The following PCDH15 variants were observed in gnomAD, a reference collection of about 807,000 sequenced individuals.
PCDH15 encodes the protein protocadherin-15.
Under a neutral mutation model 178.5 loss-of-function variants are expected in PCDH15, and 129 were observed. The observed-to-expected ratio is 0.72, with a 90% CI of 0.63 to 0.84. The LOEUF (loss-of-function observed/expected upper bound fraction) is 0.84, where lower values mean the gene tolerates loss of function less well. PCDH15 is among the 40% of genes least tolerant of loss of function. The pLI is 0.00. For synonymous variants in PCDH15, 800 were observed against 732.0 expected (o/e 1.09, Z -1.50); for missense variants, 2,230 against 2,099.9 (o/e 1.06, Z -1.21).
intron 3 of PCDH15, among the ~76,000 whole-genome samples, chr10:54,862,693 A>T (rs561100607): frequency 1.3e-5 from 2 of 152,298 alleles, no homozygotes; most frequent in East Asian, 3.9e-4. Context: ...TAGGTCATTT[A>T]AAACAGCCTG....
At chr10:54,079,555 A>T (rs963284556) in intron 16 of PCDH15, 131 bp from the exon 17 acceptor site, 2 of 837,266 alleles carry the variant, frequency 2.4e-6, no homozygotes, top group African/African-American at 1.7e-5. Context: ...AGTATTTTAG[A>T]TGTATAATAC....
chr10:54,225,719 A>G (rs991065143), intron 9 of PCDH15, among the ~76,000 whole-genome samples: 2 of 151,960 alleles, frequency 1.3e-5, no homozygotes. Context: ...GATTGATTCA[A>G]TTTACATATA....
At chr10:54,814,146 T>C (rs10825402) in intron 3 of PCDH15, among the ~76,000 whole-genome samples, 38,698 of 152,096 alleles carry the variant, frequency 0.25, 5,594 homozygotes, top group East Asian at 0.51. Flanking sequence ...CAAATTTATG[T>C]GTCACCATAA....
intron 1 of PCDH15, among the ~76,000 whole-genome samples, chr10:55,177,834 T>G (rs1042691954): frequency 2.0e-5 from 3 of 151,886 alleles, no homozygotes; most frequent in African/African-American, 7.2e-5. Context: ...AGAAACTACC[T>G]TGGAGAACCC....
chr10:54,839,458 T>C (rs1953378391), intron 3 of PCDH15, among the ~76,000 whole-genome samples: 1 of 152,088 alleles, frequency 6.6e-6, no homozygotes, highest in South Asian at 2.1e-4. Context: ...ACTGGTCATT[T>C]AAAATTAGCC....
intron 1 of PCDH15, among the ~76,000 whole-genome samples, chr10:54,684,105 T>C (rs1161547891): frequency 6.6e-6 from 1 of 152,018 alleles, no homozygotes; most frequent in African/African-American, 2.4e-5. Context: ...TTTTCACATA[T>C]TAAAATGCAT....
chr10:55,118,378 C>G (rs976256062), intron 2 of PCDH15, among the ~76,000 whole-genome samples: 1 of 152,182 alleles, frequency 6.6e-6, no homozygotes, highest in African/African-American at 2.4e-5. Context: ...GCTGTTGCAT[C>G]ATGAGGGCGT....
intron 2 of PCDH15, among the ~76,000 whole-genome samples, chr10:55,475,333 T>C (rs1375758552): frequency 6.6e-6 from 1 of 152,130 alleles, no homozygotes; most frequent in Admixed American, 6.6e-5. Context: ...TACATTCTAA[T>C]CTCTTACCTG....
In PCDH15 at chr10:55,431,454, C is replaced by T. The variant is rs190064367; in HGVS notation, c.-156+196171G>A. On this transcript the variant is annotated intron_variant, in intron 2 of 5. Transcript: ENST00000613346. ...GTTTCTTAAAAATTACATCTGTGAG[C>T]TCTGAAGGAAAAAATCCAGGTCATA... Among the ~76,000 whole-genome samples the T allele has an allele frequency of 3.4e-3, 518 of 152,152 alleles. 4 individuals are homozygous for T. The highest frequency in any genetic ancestry group is 5.0e-3 in the Non-Finnish European group (341 of 67,986).
intron 2 of PCDH15, among the ~76,000 whole-genome samples, chr10:54,662,484 A>G (rs6481114): frequency 0.1 from 15,636 of 152,012 alleles, 1,025 homozygotes; most frequent in African/African-American, 0.18. Context: ...ATCACTTGGC[A>G]AGTCTGAAAT....
intron 2 of PCDH15, among the ~76,000 whole-genome samples, chr10:55,445,206 C>A (rs1299374990): frequency 1.3e-5 from 2 of 152,102 alleles, no homozygotes; most frequent in East Asian, 3.9e-4. Context: ...CTTCAGTGTT[C>A]ACCTAATGAG....
At chr10:54,811,045 T>A (rs1042809481) in intron 3 of PCDH15, among the ~76,000 whole-genome samples, 1 of 152,120 alleles carries the variant, frequency 6.6e-6, no homozygotes, top group Non-Finnish European at 1.5e-5. Flanking sequence ...TAGTCGTAAG[T>A]TTGAAGACTA....
chr10:55,572,187 G>C (rs1298048731), intron 2 of PCDH15, among the ~76,000 whole-genome samples: 1 of 151,758 alleles, frequency 6.6e-6, no homozygotes, highest in African/African-American at 2.4e-5. Context: ...GTTTAGAGAA[G>C]TTTTCTGGTT....
At chr10:55,529,206 T>C (rs1036460895) in intron 2 of PCDH15, among the ~76,000 whole-genome samples, 7 of 152,178 alleles carry the variant, frequency 4.6e-5, no homozygotes, top group African/African-American at 1.7e-4. Flanking sequence ...TAGTTTCTTT[T>C]GCTATGCAGA....
intron 2 of PCDH15, among the ~76,000 whole-genome samples, chr10:54,983,993 A>G (rs1042118693): frequency 6.6e-6 from 1 of 152,192 alleles, no homozygotes; most frequent in Admixed American, 6.5e-5. Context: ...GGATTGAGGA[A>G]ATGAGGAGGA....
At chr10:54,396,628 T>A (rs2135412863) in intron 3 of PCDH15, among the ~76,000 whole-genome samples, 1 of 152,256 alleles carries the variant, frequency 6.6e-6, no homozygotes, top group East Asian at 1.9e-4. Flanking sequence ...TAAAAATCAG[T>A]CTCTGTGTTA....
intron 2 of PCDH15, among the ~76,000 whole-genome samples, chr10:54,591,834 T>A (rs904609459): frequency 1.3e-5 from 2 of 152,186 alleles, no homozygotes; most frequent in Non-Finnish European, 2.9e-5. Flanking sequence ...ATCATTCACC[T>A]GAAAGCAACT....
At position 55,556,527 on chromosome 10, in the gene PCDH15, G is replaced by T. The variant is rs973339759; in HGVS notation, c.-156+71098C>A. Among the ~76,000 whole-genome samples, 5 of 151,882 alleles carry T rather than the reference G, an allele frequency of 3.3e-5. No individual in the cohort carries two copies. The East Asian group carries it at 5.8e-4, about 18-fold the overall frequency. ...TTTTAATCTTATTTTTTGTAGACTG[G>T]GTTTAAAAGTTATTTACATTGGGCC... On this transcript the variant is annotated intron_variant, in intron 2 of 5. Coordinates refer to the PCDH15 transcript ENST00000613346.
chr10:55,451,428 G>A (rs1839433064), intron 2 of PCDH15, among the ~76,000 whole-genome samples: 1 of 152,054 alleles, frequency 6.6e-6, no homozygotes, highest in Non-Finnish European at 1.5e-5. Flanking sequence ...AACCTGGGAG[G>A]TGGAGGTTGC....
Sources: gnomAD v4.1 joint callset for allele counts (sites outside exome capture counted in the v4.1 genomes callset) on GRCh38, gnomAD v4.1.1 for gene constraint, MANE v1.5 for transcripts, NCBI Gene and HGNC (gene_info 2026-07-23, HGNC 2026-07-21) for gene names.